SCARA3: variants seen among roughly 807,000 people sequenced by gnomAD.
SCARA3 encodes scavenger receptor class A member 3, also known as cellular stress response gene protein.
Under a neutral mutation model 47.0 loss-of-function variants are expected in SCARA3, and 39 were observed. The ratio of observed to expected loss-of-function variants is 0.83; its 90% CI spans 0.64 to 1.08. SCARA3 has a LOEUF of 1.08. Among genes scored for constraint, SCARA3 ranks in the 50% least tolerant of loss-of-function variants. The pLI is 0.00. For synonymous variants in SCARA3, 356 were observed against 334.1 expected, an observed-to-expected ratio of 1.07 and a Z score of -0.71; for missense variants, 724 against 792.3, an observed-to-expected ratio of 0.91 and a Z score of 1.04.
At chr8:27,657,521 A>C in intron 4 of SCARA3, among the ~76,000 whole-genome samples, 1 of 127,272 alleles carries the variant, frequency 7.9e-6, no homozygotes, top group Admixed American at 8.4e-5. Flanking sequence ...TGCCATCTTT[A>C]TGTCTACATG....
At chr8:27,666,967 G>A (rs559972773) in intron 5 of SCARA3, among the ~76,000 whole-genome samples, 13 of 152,244 alleles carry the variant, frequency 8.5e-5, no homozygotes, top group African/African-American at 2.9e-4. Flanking sequence ...CCCCTCCACC[G>A]GACTCCAGGG....
At chr8:27,637,709 A>G (rs35361277) in intron 1 of SCARA3, among the ~76,000 whole-genome samples, 1 of 151,950 alleles carries the variant, frequency 6.6e-6, no homozygotes, top group Admixed American at 6.5e-5. Context: ...TGGGAGAAAC[A>G]ACCCCTCCTT....
intron 3 of SCARA3, among the ~76,000 whole-genome samples, chr8:27,652,365 T>C (rs993582418): frequency 5.9e-5 from 9 of 152,194 alleles, no homozygotes; most frequent in Non-Finnish European, 1.3e-4. Context: ...CCCATTCCAC[T>C]AAGAGTGCTA....
At chr8:27,659,580 C>T (rs748410774) in intron 5 of SCARA3, 41 bp downstream of exon 5, 2 of 1,518,910 alleles carry the variant, frequency 1.3e-6, no homozygotes, top group South Asian at 2.5e-5. Context: ...AAAGCTTCCA[C>T]TGAGGCTTGG....
intron 5 of SCARA3, among the ~76,000 whole-genome samples, chr8:27,669,322 C>G (rs1212701060): frequency 6.6e-6 from 1 of 152,244 alleles, no homozygotes; most frequent in Non-Finnish European, 1.5e-5. Context: ...GTCTCCGCCT[C>G]TGTATGGCTC....
At chr8:27,696,698 C>G in the SCARA3 span, among the ~76,000 whole-genome samples, 1 of 150,534 alleles carries the variant, frequency 6.6e-6, no homozygotes, top group Non-Finnish European at 1.5e-5. Flanking sequence ...CTATTGTCCT[C>G]AAGTGATCCT....
At chr8:27,708,643 T>TAATAACTTCTTTAAAAAATCGTC in the SCARA3 span, among the ~76,000 whole-genome samples, 1 of 152,044 alleles carries the variant, frequency 6.6e-6, no homozygotes, top group East Asian at 1.9e-4. Flanking sequence ...TAGCGGACAG[T>TAATAACTTCTTTAAAAAATCGTC]TTCAGAATGT....
Position 27,646,448 on chromosome 8 carries a change from C to G in SCARA3, c.8-3254C>G, listed in dbSNP as rs34647393. On this transcript the variant is annotated intron_variant, in intron 1 of 5. Coordinates refer to ENST00000301904, the MANE Select transcript of SCARA3 (RefSeq NM_016240.3). Reference sequence around the variant, plus strand: ...TGCTTGATTTAAGTCATCCCAGATTCCCTGCAAAGGCTATAAACAGTGAAG... The same window carrying G: ...TGCTTGATTTAAGTCATCCCAGATTGCCTGCAAAGGCTATAAACAGTGAAG... Among the ~76,000 whole-genome samples the G allele has an allele frequency of 1.5e-3, 230 of 152,286 alleles. 6 individuals carry two copies. In the East Asian group the frequency reaches 0.023, roughly 15 times the overall value.
the SCARA3 span, among the ~76,000 whole-genome samples, chr8:27,723,363 C>T: frequency 6.6e-6 from 1 of 152,308 alleles, no homozygotes; most frequent in Admixed American, 6.5e-5. Context: ...GGACCGACTA[C>T]AAAATTGTTC....
At chr8:27,648,587 C>G (rs1011797568) in intron 1 of SCARA3, among the ~76,000 whole-genome samples, 29 of 151,312 alleles carry the variant, frequency 1.9e-4, no homozygotes, top group African/African-American at 6.6e-4. Context: ...CTGGGCGACA[C>G]AGTGAGACTT....
At chr8:27,694,335 T>C in the SCARA3 span, among the ~76,000 whole-genome samples, 1 of 152,202 alleles carries the variant, frequency 6.6e-6, no homozygotes, top group African/African-American at 2.4e-5. Context: ...TCCAGCCTTA[T>C]TCTTCCAACT....
chr8:27,656,667 A>G, intron 3 of SCARA3, 115 bp from the exon 4 acceptor site: 1 of 705,768 alleles, frequency 1.4e-6, no homozygotes, highest in East Asian at 2.6e-5. Context: ...GCCTGAGAGA[A>G]GAAGGGTGAA....
chr8:27,653,025 A>G (rs1801665876), intron 3 of SCARA3, among the ~76,000 whole-genome samples: 1 of 152,214 alleles, frequency 6.6e-6, no homozygotes, highest in African/African-American at 2.4e-5. Context: ...CATTTCAGAA[A>G]GTGGCAAAAA....
chr8:27,711,004 C>T, the SCARA3 span, among the ~76,000 whole-genome samples: 1 of 149,050 alleles, frequency 6.7e-6, no homozygotes, highest in African/African-American at 2.5e-5. Context: ...CTCACTGCAA[C>T]CTCTGCCTCC....
At chr8:27,710,102 T>G in the SCARA3 span, among the ~76,000 whole-genome samples, 1 of 152,080 alleles carries the variant, frequency 6.6e-6, no homozygotes, top group African/African-American at 2.4e-5. Context: ...TGGTGGTGCA[T>G]GCCTGTAGTC....
chr8:27,648,140 T>C (rs1801547917), intron 1 of SCARA3, among the ~76,000 whole-genome samples: 1 of 152,244 alleles, frequency 6.6e-6, no homozygotes, highest in Non-Finnish European at 1.5e-5. Context: ...TAGAAAAGAT[T>C]TCTGAGTTCA....
At chr8:27,665,736 T>C (rs1802002656) in intron 5 of SCARA3, among the ~76,000 whole-genome samples, 1 of 152,176 alleles carries the variant, frequency 6.6e-6, no homozygotes, top group Non-Finnish European at 1.5e-5. Flanking sequence ...CTGTATCCCA[T>C]AGGGTAATTG....
the SCARA3 span, among the ~76,000 whole-genome samples, chr8:27,717,904 G>C: frequency 9.2e-5 from 14 of 152,292 alleles, no homozygotes; most frequent in South Asian, 1.2e-3. Context: ...CTGTCTGACT[G>C]TCTGTCTGAA....
chr8:27,691,832 A>G, the SCARA3 span, among the ~76,000 whole-genome samples: 1 of 152,060 alleles, frequency 6.6e-6, no homozygotes, highest in African/African-American at 2.4e-5. Context: ...CTCCCAGATC[A>G]CTCAGGTTTC....
Sources: gnomAD v4.1 joint callset for allele counts (sites outside exome capture counted in the v4.1 genomes callset) on GRCh38, gnomAD v4.1.1 for gene constraint, MANE v1.5 for transcripts, NCBI Gene and HGNC (gene_info 2026-07-23, HGNC 2026-07-21) for gene names.